WDPCP: variants seen among roughly 807,000 people sequenced by gnomAD.
The protein encoded by WDPCP is WD repeat-containing and planar cell polarity effector protein fritz homolog.
In WDPCP, 71 loss-of-function variants were observed where a neutral mutation model predicts 93.1. That is an observed-to-expected ratio of 0.76 (90% CI 0.63 to 0.93). The LOEUF (loss-of-function observed/expected upper bound fraction) is 0.93. Ranked by LOEUF, WDPCP falls within the 40% of genes least tolerant of loss-of-function variation. The probability of loss-of-function intolerance (pLI) is 0.00; values close to 1 mark genes in which losing one functional copy is unlikely to be tolerated. For missense variants in WDPCP, 844 were observed against 887.4 expected (o/e 0.95, Z 0.62); for synonymous variants, 315 against 315.0 (o/e 1.00, Z 0.00).
At chr2:63,740,260 C>T (rs1391904832) in intron 2 of WDPCP, among the ~76,000 whole-genome samples, 1 of 151,946 alleles carries the variant, frequency 6.6e-6, no homozygotes, top group African/African-American at 2.4e-5. Context: ...GAGATTCTGC[C>T]CAAAAGTTTT....
chr2:63,697,177 A>ATTT (rs1668972542), intron 2 of WDPCP, among the ~76,000 whole-genome samples: 1 of 152,214 alleles, frequency 6.6e-6, no homozygotes, highest in African/African-American at 2.4e-5. Flanking sequence ...TGTGGGCCCC[A>ATTT]TAAAGCCCAC....
In WDPCP at chr2:63,378,520, C is replaced by G. The variant is rs1259910145; in HGVS notation, c.1625-11G>C. 6 of 1,612,856 alleles carry G rather than the reference C, an allele frequency of 3.7e-6. No individual in the cohort carries two copies. The highest frequency in any genetic ancestry group is 1.7e-6 in the Non-Finnish European group (2 of 1,179,212). On this transcript the variant is annotated splice_polypyrimidine_tract_variant and intron_variant, in intron 11 of 17. Transcript: ENST00000272321. ...TTGTCTCAAGCTGTGCTGTGGAATT[C>G]AAACATAGCAGCACTAAAACAAGTG...
At chr2:63,136,342 T>C (rs1670616751) in intron 17 of WDPCP, among the ~76,000 whole-genome samples, 1 of 152,146 alleles carries the variant, frequency 6.6e-6, no homozygotes, top group Non-Finnish European at 1.5e-5. Context: ...GAGCAGAATA[T>C]GAAATTTAAG....
chr2:63,596,983 A>G (rs375097537), intron 3 of WDPCP, among the ~76,000 whole-genome samples: 1 of 152,170 alleles, frequency 6.6e-6, no homozygotes, highest in East Asian at 1.9e-4. Context: ...CTCAATAAAC[A>G]TTTATTATTT....
At chr2:63,722,886 G>A (rs1043104762) in intron 2 of WDPCP, among the ~76,000 whole-genome samples, 3 of 151,926 alleles carry the variant, frequency 2.0e-5, no homozygotes, top group Admixed American at 6.6e-5. Context: ...GATGGTTGCC[G>A]TGTCTGTGTA....
chr2:63,545,539 C>G (rs1009825916), intron 1 of WDPCP, among the ~76,000 whole-genome samples: 22 of 152,010 alleles, frequency 1.4e-4, no homozygotes, highest in Non-Finnish European at 1.0e-4. Context: ...TATAATGATG[C>G]ATTTTCTTAT....
At chr2:63,272,949 A>G (rs1338151475) in intron 13 of WDPCP, among the ~76,000 whole-genome samples, 2 of 152,232 alleles carry the variant, frequency 1.3e-5, no homozygotes, top group Admixed American at 1.3e-4. Context: ...AAGCCACGTT[A>G]TAGTCACTGT....
chr2:63,289,614 T>C (rs1174326124), intron 13 of WDPCP, among the ~76,000 whole-genome samples: 1 of 152,044 alleles, frequency 6.6e-6, no homozygotes, highest in Non-Finnish European at 1.5e-5. Context: ...GAATATGCCA[T>C]GTAGATTTGA....
At chr2:63,591,064 T>C (rs1337333517), upstream of WDPCP, 1 of 152,246 alleles carries the variant, frequency 6.6e-6, no homozygotes, top group Non-Finnish European at 1.5e-5. Flanking sequence ...GTCTGTGGAA[T>C]AACAGACACT....
At chr2:63,432,440 G>C (rs989160208) in intron 9 of WDPCP, among the ~76,000 whole-genome samples, 4 of 152,026 alleles carry the variant, frequency 2.6e-5, no homozygotes, top group Non-Finnish European at 5.9e-5. Flanking sequence ...CTTGAAGGCA[G>C]GGACAGTTTC....
At position 63,259,794 on chromosome 2, in the gene WDPCP, A is replaced by C. The variant is rs141249843; in HGVS notation, c.1813-385T>G. 2.0e-3 allele frequency among the ~76,000 whole-genome samples: 299 copies of C among 152,306 alleles called. 2 individuals are homozygous for C. In the Middle Eastern group the frequency reaches 0.031, roughly 16 times the overall value. On this transcript the variant is annotated intron_variant, in intron 13 of 17. Transcript: ENST00000272321. The stretch of plus-strand genomic sequence containing the variant: ...CTAAGCACGATACAAGGGATACTAA[A>C]CAGATTTGTTGCTGCATATGGCATA...
chr2:63,644,044 A>C, intron 3 of WDPCP: 1 of 409,270 alleles, frequency 2.4e-6, no homozygotes, highest in Non-Finnish European at 4.9e-6. Flanking sequence ...GACCAAAGCC[A>C]TGGTTGTGCT....
chr2:63,251,894 C>G (rs1680757787), intron 14 of WDPCP, among the ~76,000 whole-genome samples: 1 of 151,752 alleles, frequency 6.6e-6, no homozygotes, highest in Admixed American at 6.6e-5. Flanking sequence ...TGAAACTATT[C>G]CAAAAATCAG....
chr2:63,175,742 G>A (rs369137389), intron 14 of WDPCP, among the ~76,000 whole-genome samples: 20 of 152,238 alleles, frequency 1.3e-4, no homozygotes, highest in South Asian at 8.3e-4. Context: ...AGGTTTATCC[G>A]TGTTGTAGTA....
At position 63,484,619 on chromosome 2, in the gene WDPCP, G is replaced by C; in HGVS notation, c.369C>G (p.Asn123Lys). Residue 123 changes from asparagine to lysine, a missense_variant, in exon 6 of 18, where the codon AAC becomes AAG. Physicochemically the swap from Asn to Lys is moderately conservative, Grantham distance 94. Transcript: ENST00000272321. ...ATCATTTTACCTGACAGACATATTT[G>C]TTCTTCCATTTGCTCAGCACACACC... ...NSRCVLSKWK[N>K]KYVCQLLFGS... The C allele has an allele frequency of 6.2e-7, 1 of 1,612,866 alleles. No individual in the cohort carries two copies. The highest frequency in any genetic ancestry group is 8.5e-7 in the Non-Finnish European group (1 of 1,179,220).
At chr2:63,654,872 T>C (rs1203211275) in intron 2 of WDPCP, among the ~76,000 whole-genome samples, 1 of 152,072 alleles carries the variant, frequency 6.6e-6, no homozygotes, top group African/African-American at 2.4e-5. Flanking sequence ...GAATCTATGG[T>C]TGGTTGAATC....
At chr2:63,562,600 G>A (rs1706710796) in intron 1 of WDPCP, among the ~76,000 whole-genome samples, 1 of 152,084 alleles carries the variant, frequency 6.6e-6, no homozygotes, top group African/African-American at 2.4e-5. Context: ...TGATGATTCT[G>A]CCCAAATAAA....
intron 6 of WDPCP, among the ~76,000 whole-genome samples, chr2:63,453,388 A>G (rs1698392292): frequency 6.6e-6 from 1 of 152,198 alleles, no homozygotes; most frequent in South Asian, 2.1e-4. Context: ...TCAAAACTAC[A>G]ATGAGATATG....
At chr2:63,732,662 G>A (rs1669579097) in intron 2 of WDPCP, among the ~76,000 whole-genome samples, 1 of 152,028 alleles carries the variant, frequency 6.6e-6, no homozygotes, top group Non-Finnish European at 1.5e-5. Flanking sequence ...CTTACAAAAT[G>A]TTTTATTTAT....
Sources: allele counts gnomAD v4.1 joint callset (sites outside exome capture counted in the v4.1 genomes callset), GRCh38; gene constraint gnomAD v4.1.1; transcripts MANE v1.5; gene names NCBI Gene and HGNC (gene_info 2026-07-23, HGNC 2026-07-21).